The following VPS53 variants were observed in gnomAD, a reference collection of about 807,000 sequenced individuals.
The protein encoded by VPS53 is VPS53 subunit of GARP complex, also known as vacuolar protein sorting-associated protein 53 homolog.
VPS53 carries 70 observed loss-of-function variants against 107.0 expected under a neutral mutation model. That is an observed-to-expected ratio of 0.65 (90% confidence interval 0.54 to 0.80). VPS53 has a LOEUF of 0.80. Ranked by LOEUF, VPS53 falls within the 30% of genes least tolerant of loss-of-function variation. The pLI is 0.00. For synonymous variants in VPS53, 409 were observed against 393.3 expected, an observed-to-expected ratio of 1.04 and a Z score of -0.47; for missense variants, 917 against 1,049.4, an observed-to-expected ratio of 0.87 and a Z score of 1.74.
chr17:615,506 G>T (rs780263315), intron 11 of VPS53, among the ~76,000 whole-genome samples: 1 of 152,144 alleles, frequency 6.6e-6, no homozygotes. Context: ...AGGCGGCAGT[G>T]GGGGTAGGGT....
intron 7 of VPS53, among the ~76,000 whole-genome samples, chr17:632,094 A>C (rs545816751): frequency 1.3e-5 from 2 of 152,228 alleles, no homozygotes; most frequent in East Asian, 3.9e-4. Flanking sequence ...ACGAAAAACA[A>C]ACTAAAATAA....
intron 11 of VPS53, among the ~76,000 whole-genome samples, chr17:619,883 G>A (rs1405105858): frequency 7.1e-6 from 1 of 140,630 alleles, no homozygotes. Context: ...ACCACGCCCC[G>A]CTAATATTTC....
At chr17:585,042 C>T (rs117329074) in intron 13 of VPS53, among the ~76,000 whole-genome samples, 2,365 of 152,174 alleles carry the variant, frequency 0.016, 24 homozygotes, top group Middle Eastern at 0.031. Flanking sequence ...TCAAGGGATG[C>T]GAAATGAGTG....
intron 11 of VPS53, among the ~76,000 whole-genome samples, chr17:619,762 A>T (rs1969380088): frequency 7.3e-6 from 1 of 136,446 alleles, no homozygotes; most frequent in Non-Finnish European, 1.6e-5. Flanking sequence ...CTGGGACTAC[A>T]GGCGTGCACC....
intron 12 of VPS53, among the ~76,000 whole-genome samples, chr17:589,806 A>C (rs1316013489): frequency 6.6e-6 from 1 of 152,118 alleles, no homozygotes; most frequent in Non-Finnish European, 1.5e-5. Context: ...GAAGTCAGGT[A>C]GTGTGATGCC....
chr17:551,631 C>T, intron 17 of VPS53: 1 of 286,114 alleles, frequency 3.5e-6, no homozygotes, highest in East Asian at 5.9e-5. Context: ...TTTACTTCGT[C>T]TCTTTTTTTT....
chr17:713,511 G>A (rs1209563723), intron 1 of VPS53, among the ~76,000 whole-genome samples: 1 of 150,698 alleles, frequency 6.6e-6, no homozygotes, highest in Non-Finnish European at 1.5e-5. Flanking sequence ...AAATTAGCTA[G>A]GCATGGTAGC....
intron 2 of VPS53, among the ~76,000 whole-genome samples, chr17:703,130 G>A (rs1313621953): frequency 6.6e-6 from 1 of 152,022 alleles, no homozygotes; most frequent in Non-Finnish European, 1.5e-5. Context: ...GATCGCTTGA[G>A]CCTGGGAGGC....
At chr17:665,140 C>T (rs895296090) in intron 4 of VPS53, among the ~76,000 whole-genome samples, 3 of 152,198 alleles carry the variant, frequency 2.0e-5, no homozygotes, top group African/African-American at 7.2e-5. Flanking sequence ...CCCTCACGAA[C>T]AAATGAATGG....
In VPS53 at chr17:511,973, A is replaced by T. The variant is rs1244098545; in HGVS notation, c.*7155T>A. The T allele has an allele frequency of 6.6e-6, 1 of 152,232 alleles. No individual in the cohort carries two copies. The highest frequency in any genetic ancestry group is 1.5e-5 in the Non-Finnish European group (1 of 68,046). The allele number at this position is 152,232 out of a possible 1,614,324, so 9.4% of individuals were successfully genotyped here. On this transcript the variant is annotated 3_prime_UTR_variant, in exon 22 of 22. Coordinates refer to ENST00000437048, the MANE Select transcript of VPS53 (RefSeq NM_001128159.3). Reference sequence around the variant, plus strand: ...AGCCTCGCCACCAGCCCCAGGAGGGAGGAAGCTCTCTTCTCAGTGTCTGCA... The same window carrying T: ...AGCCTCGCCACCAGCCCCAGGAGGGTGGAAGCTCTCTTCTCAGTGTCTGCA...
At chr17:573,933 G>C (rs1914394826) in intron 13 of VPS53, among the ~76,000 whole-genome samples, 1 of 152,216 alleles carries the variant, frequency 6.6e-6, no homozygotes, top group Non-Finnish European at 1.5e-5. Context: ...TTCTTTGAAG[G>C]GAAGAAGCAG....
Position 516,556 on chromosome 17 carries a change from G to T in VPS53, c.*2572C>A, listed in dbSNP as rs1436888316. The T allele has an allele frequency of 6.6e-6, 1 of 151,994 alleles. No individual in the cohort carries two copies. Among genetic ancestry groups the T allele is most frequent in the African/African-American group, 2.4e-5 (1 of 41,358 alleles). The allele number at this position is 151,994 out of a possible 1,614,324, so 9.4% of individuals were successfully genotyped here. ...TTTTTGTATTTTTTGTAGAGATGGG[G>T]TTTCACCATATTGGCAAGGATGGTC... On this transcript the variant is annotated 3_prime_UTR_variant, in exon 22 of 22. Transcript: ENST00000437048.
At chr17:620,742 C>A (rs556438869) in intron 11 of VPS53, among the ~76,000 whole-genome samples, 3 of 148,488 alleles carry the variant, frequency 2.0e-5, no homozygotes, top group African/African-American at 5.0e-5. Flanking sequence ...AGTGGCGCAA[C>A]CTTGGCAGCA....
intron 14 of VPS53, among the ~76,000 whole-genome samples, chr17:562,026 A>G (rs2151852142): frequency 6.6e-6 from 1 of 152,366 alleles, no homozygotes; most frequent in Non-Finnish European, 1.5e-5. Flanking sequence ...GGCTCTGTCC[A>G]GCATGGCAGG....
intron 13 of VPS53, among the ~76,000 whole-genome samples, chr17:583,064 G>A (rs966187237): frequency 1.5e-4 from 21 of 144,538 alleles, no homozygotes; most frequent in Admixed American, 1.0e-3. Flanking sequence ...AACCTAATGC[G>A]TTCCCACAGA....
chr17:710,714 T>A, intron 1 of VPS53, 101 bp from the exon 2 acceptor site: 3 of 853,394 alleles, frequency 3.5e-6, no homozygotes, highest in Non-Finnish European at 3.6e-6. Context: ...GCACGGTGGC[T>A]CATGCCTGTA....
intron 13 of VPS53, among the ~76,000 whole-genome samples, chr17:572,514 G>A (rs1447732937): frequency 2.0e-5 from 3 of 151,758 alleles, no homozygotes; most frequent in South Asian, 2.1e-4. Context: ...TCTGCCCAGC[G>A]CGTCTGGGAC....
At chr17:707,008 G>A (rs989987591) in intron 2 of VPS53, among the ~76,000 whole-genome samples, 1 of 152,160 alleles carries the variant, frequency 6.6e-6, no homozygotes, top group African/African-American at 2.4e-5. Flanking sequence ...GTCCTTCAAT[G>A]AATACTCACT....
At chr17:554,655 C>T (rs752034192) in intron 15 of VPS53, among the ~76,000 whole-genome samples, 16 of 152,126 alleles carry the variant, frequency 1.1e-4, no homozygotes, top group African/African-American at 3.1e-4. Flanking sequence ...CACCCACCTC[C>T]GTGTCCCAAA....
Sources: allele counts gnomAD v4.1 joint callset (sites outside exome capture counted in the v4.1 genomes callset), GRCh38; gene constraint gnomAD v4.1.1; transcripts MANE v1.5; gene names NCBI Gene and HGNC (gene_info 2026-07-23, HGNC 2026-07-21).